The following IL33 variants were observed in gnomAD, a reference collection of about 807,000 sequenced individuals.
IL33 encodes the protein interleukin 33.
IL33 carries 37 observed loss-of-function variants against 27.3 expected under a neutral mutation model. The ratio of observed to expected loss-of-function variants is 1.36; its 90% CI spans 1.04 to 1.78. IL33 has a LOEUF of 1.78. IL33 is among the 40% of genes most tolerant of loss of function. IL33 has a pLI of 0.00. For missense variants in IL33, 406 were observed against 311.4 expected (o/e 1.30, Z -2.29); for synonymous variants, 132 against 102.9 (o/e 1.28, Z -1.71).
chr9:6,256,076 G>C lies in IL33; in HGVS notation c.721G>C (p.Gly241Arg). 6.2e-7 allele frequency: 1 copy of C among 1,613,024 alleles called. No individual in the cohort carries two copies. Among genetic ancestry groups the C allele is most frequent in the South Asian group, 1.1e-5 (1 of 91,052 alleles). The part of the protein sequence containing the change: ...ECKTDPGVFI[G>R]VKDNHLALIK... ...CAAGACTGATCCTGGAGTGTTTATA[G>C]GTGTAAAGGATAATCATCTTGCTCT... The change falls in exon 8 of 8, where the codon GGT becomes CGT. Residue 241 changes from glycine (G) to arginine (R), a missense_variant. Transcript: ENST00000682010.
chr9:6,223,799 G>A (rs553164785), intron 1 of IL33, among the ~76,000 whole-genome samples: 6 of 152,126 alleles, frequency 3.9e-5, no homozygotes, highest in African/African-American at 1.2e-4. Flanking sequence ...CTTTTTGCTC[G>A]CTTAATCAGA....
Position 6,222,545 on chromosome 9 carries a change from T to G in IL33, c.-12+6693T>G, listed in dbSNP as rs183791076. ...ATAACCTGTTCTATAATATCAGTTA[T>G]TTCTGTCGCTATTCAATAAGCATAT... On this transcript the variant is annotated intron_variant, in intron 1 of 7. Transcript: ENST00000682010. 1.9e-4 allele frequency among the ~76,000 whole-genome samples: 29 copies of G among 152,314 alleles called. No homozygotes were observed. The East Asian group carries it at 5.6e-3, about 29-fold the overall frequency.
Position 6,256,384 on chromosome 9 carries a change from G to A in IL33, c.*216G>A, listed in dbSNP as rs925455749. 5 of 551,916 alleles carry A rather than the reference G, an allele frequency of 9.1e-6. No homozygotes were observed. The highest frequency in any genetic ancestry group is 3.3e-5 in the Admixed American group (1 of 29,874). 34.2% of individuals were successfully genotyped at this position (551,916 alleles called of 1,614,324 possible). On this transcript the variant is annotated 3_prime_UTR_variant, in exon 8 of 8. Coordinates refer to ENST00000682010, the MANE Select transcript of IL33 (RefSeq NM_033439.4). ...AACTGCATCTTCAATACAAGTATCA[G>A]TATATTAAATAGGGTATTGGTAAAG...
intron 1 of IL33, among the ~76,000 whole-genome samples, chr9:6,228,537 C>G (rs905376485): frequency 6.7e-6 from 1 of 150,318 alleles, no homozygotes; most frequent in Non-Finnish European, 1.5e-5. Context: ...ACATTGCTTT[C>G]TTCTAGCAGT....
intron 1 of IL33, among the ~76,000 whole-genome samples, chr9:6,218,000 T>A (rs1818221555): frequency 6.6e-6 from 1 of 152,218 alleles, no homozygotes; most frequent in Non-Finnish European, 1.5e-5. Flanking sequence ...TTTGAATACT[T>A]AATGCTCCTC....
rs569026595 is a variant in IL33, at chr9:6,253,311, AAAGTACAACCTTTATGCC to A, written c.470-239_470-222del. Among the ~76,000 whole-genome samples, 9 of 152,378 alleles carry A rather than the reference AAAGTACAACCTTTATGCC, an allele frequency of 5.9e-5. No individual in the cohort carries two copies. In the East Asian group the frequency reaches 1.2e-3, roughly 20 times the overall value. On this transcript the variant is annotated intron_variant, in intron 5 of 7. Transcript: ENST00000682010. ...TCTTTCTAGCCCTATTAGTATCACCAAAGTACAACCTTTATGCCACTGCTATGAAAAATATTTTAAATA... is the reference window on the plus strand; with the variant it reads ...TCTTTCTAGCCCTATTAGTATCACCAACTGCTATGAAAAATATTTTAAATA...
At position 6,257,485 on chromosome 9, in the gene IL33, T is replaced by C. The variant is rs1282212657; in HGVS notation, c.*1317T>C. The C allele has an allele frequency of 6.6e-6, 1 of 152,660 alleles. No homozygotes were observed. The highest frequency in any genetic ancestry group is 1.5e-5 in the Non-Finnish European group (1 of 68,030). The allele number at this position is 152,660 out of a possible 1,614,324, so 9.5% of individuals were successfully genotyped here. A position where few individuals can be genotyped will look rare whatever the true frequency, so the allele number is the denominator to read the frequency against. ...GCAATATTTTTTTGCTAAACGTTTTTGTTTTTTACTGTCACTAGGGCAATA... is the reference window on the plus strand; with the variant it reads ...GCAATATTTTTTTGCTAAACGTTTTCGTTTTTTACTGTCACTAGGGCAATA... On this transcript the variant is annotated 3_prime_UTR_variant, in exon 8 of 8. Transcript: ENST00000682010.
intron 1 of IL33, among the ~76,000 whole-genome samples, chr9:6,217,505 T>C (rs1352172141): frequency 6.6e-6 from 1 of 152,214 alleles, no homozygotes; most frequent in Non-Finnish European, 1.5e-5. Flanking sequence ...GGGTTGGTTA[T>C]GTCAGATCTC....
chr9:6,256,342 T>C lies in IL33; in HGVS notation c.*174T>C, dbSNP rs921947915. 3 of 588,570 alleles carry C rather than the reference T, an allele frequency of 5.1e-6. No individual in the cohort carries two copies. Among genetic ancestry groups the C allele is most frequent in the Non-Finnish European group, 9.0e-6 (3 of 334,860 alleles). The allele number at this position is 588,570 out of a possible 1,614,324, so 36.5% of individuals were successfully genotyped here. A position where few individuals can be genotyped will look rare whatever the true frequency, so the allele number is the denominator to read the frequency against. On this transcript the variant is annotated 3_prime_UTR_variant, in exon 8 of 8. Transcript: ENST00000682010. The stretch of plus-strand genomic sequence containing the variant: ...TTTTTTCTAATCCTCCAGTTATTCT[T>C]TTATTTCCCTCTGTATAACTGCATC...
At chr9:6,253,473 C>A in intron 5 of IL33, 79 bp from the exon 6 acceptor site, 2 of 920,738 alleles carry the variant, frequency 2.2e-6, no homozygotes, top group East Asian at 2.5e-5. Context: ...AGGATATTTT[C>A]TGATGTTATG....
At chr9:6,216,712 C>T (rs759188616) in intron 1 of IL33, among the ~76,000 whole-genome samples, 2 of 152,198 alleles carry the variant, frequency 1.3e-5, no homozygotes, top group South Asian at 2.1e-4. Context: ...CATGCCATTA[C>T]ACTCCAGCCT....
At position 6,256,364 on chromosome 9, in the gene IL33, C is replaced by T; in HGVS notation, c.*196C>T. 1.8e-6 allele frequency: 1 copy of T among 569,046 alleles called. No homozygotes were observed. Among genetic ancestry groups the T allele is most frequent in the Admixed American group, 3.2e-5 (1 of 31,126 alleles). 35.2% of individuals were successfully genotyped at this position (569,046 alleles called of 1,614,324 possible). A position where few individuals can be genotyped will look rare whatever the true frequency, so the allele number is the denominator to read the frequency against. On this transcript the variant is annotated 3_prime_UTR_variant, in exon 8 of 8. Coordinates refer to ENST00000682010, the MANE Select transcript of IL33 (RefSeq NM_033439.4). ...TCTTTTATTTCCCTCTGTATAACTG[C>T]ATCTTCAATACAAGTATCAGTATAT...
At chr9:6,247,423 C>G (rs528790975) in intron 2 of IL33, among the ~76,000 whole-genome samples, 1 of 152,076 alleles carries the variant, frequency 6.6e-6, no homozygotes, top group Non-Finnish European at 1.5e-5. Context: ...GGGGAAGAAA[C>G]GAAAGACGGA....
At chr9:6,250,449 T>C in intron 2 of IL33, 25 bp from the exon 3 acceptor site, 1 of 1,609,098 alleles carries the variant, frequency 6.2e-7, no homozygotes, top group Non-Finnish European at 8.5e-7. Flanking sequence ...AATGAAACAG[T>C]CTCACAAGTT....
At position 6,241,714 on chromosome 9, in the gene IL33, A is replaced by G; in HGVS notation, c.20A>G (p.Tyr7Cys). Residue 7 changes from tyrosine (Y) to cysteine (C), a missense_variant, in exon 2 of 8, where the codon TAT (tyrosine) becomes TGT (cysteine). Physicochemically the swap from Tyr to Cys is radical, Grantham distance 194. Transcript: ENST00000682010. MKPKMK[Y>C]STNKISTAKW... The stretch of plus-strand genomic sequence containing the variant: ...TGAAAAATGAAGCCTAAAATGAAGT[A>G]TTCAACCAACAAAATTTCCACAGCA... 2 of 1,610,546 alleles carry G rather than the reference A, an allele frequency of 1.2e-6. No homozygotes were observed. The highest frequency in any genetic ancestry group is 8.5e-7 in the Non-Finnish European group (1 of 1,177,740).
chr9:6,252,223 T>C (rs1816437807), intron 4 of IL33, among the ~76,000 whole-genome samples: 1 of 152,174 alleles, frequency 6.6e-6, no homozygotes, highest in African/African-American at 2.4e-5. Flanking sequence ...TAGAAGTTCA[T>C]GTACAAATTC....
At chr9:6,230,035 C>G (rs577181157) in intron 1 of IL33, among the ~76,000 whole-genome samples, 1 of 152,254 alleles carries the variant, frequency 6.6e-6, no homozygotes, top group East Asian at 1.9e-4. Flanking sequence ...GAATGGTAAA[C>G]AGTCTAATTG....
chr9:6,240,325 T>G (rs1304319547), intron 1 of IL33, among the ~76,000 whole-genome samples: 4 of 152,078 alleles, frequency 2.6e-5, no homozygotes, highest in African/African-American at 4.8e-5. Flanking sequence ...TGGGATAACT[T>G]GAAGCGTGGG....
intron 1 of IL33, among the ~76,000 whole-genome samples, chr9:6,240,112 A>G (rs1819444928): frequency 6.6e-6 from 1 of 152,194 alleles, no homozygotes; most frequent in African/African-American, 2.4e-5. Context: ...ACTATCTACA[A>G]AAAGAGTCCA....
Sources: allele counts gnomAD v4.1 joint callset (sites outside exome capture counted in the v4.1 genomes callset), GRCh38; gene constraint gnomAD v4.1.1; transcripts MANE v1.5; gene names NCBI Gene and HGNC (gene_info 2026-07-23, HGNC 2026-07-21).